NAA35: variants seen among roughly 807,000 people sequenced by gnomAD.
NAA35 encodes MAK10 homolog, amino-acid N-acetyltransferase subunit.
In NAA35, 18 loss-of-function variants were observed where a neutral mutation model predicts 101.7. The ratio of observed to expected loss-of-function variants is 0.18; its 90% CI spans 0.12 to 0.26. The LOEUF is 0.26. Among genes scored for constraint, NAA35 ranks in the 10% least tolerant of loss-of-function variants. The probability of loss-of-function intolerance (pLI) is 1.00; values close to 1 mark genes in which losing one functional copy is unlikely to be tolerated. For synonymous variants in NAA35, 267 were observed against 273.1 expected, an observed-to-expected ratio of 0.98 and a Z score of 0.22; for missense variants, 601 against 886.8, an observed-to-expected ratio of 0.68 and a Z score of 4.09.
In NAA35 at chr9:85,977,277, G is replaced by A. The variant is rs1353071610; in HGVS notation, c.679-86G>A. ...TGTAATGTAGTAAGTTATTAACATT[G>A]AGATTTAGGAGTTAATATATTTTAA... On this transcript the variant is annotated intron_variant, in intron 9 of 22. Transcript: ENST00000361671. 10 of 916,646 alleles carry A rather than the reference G, an allele frequency of 1.1e-5. No homozygotes were observed. The African/African-American group carries it at 1.5e-4, about 14-fold the overall frequency. 56.8% of individuals were successfully genotyped at this position (916,646 alleles called of 1,614,324 possible). A position where few individuals can be genotyped will look rare whatever the true frequency, so the allele number is the denominator to read the frequency against.
chr9:85,963,261 G>A (rs1226598269), intron 6 of NAA35, among the ~76,000 whole-genome samples: 2 of 138,850 alleles, frequency 1.4e-5, no homozygotes, highest in Non-Finnish European at 3.0e-5. Flanking sequence ...TTGAAGGTAT[G>A]GCTTTTTTTT....
chr9:85,974,025 C>T (rs1830111170), intron 6 of NAA35, among the ~76,000 whole-genome samples: 1 of 152,054 alleles, frequency 6.6e-6, no homozygotes, highest in Admixed American at 6.6e-5. Flanking sequence ...GGCTCGATCT[C>T]TGCTCACTGC....
rs1587646558 is a variant in NAA35, at chr9:86,003,796, C to T, written c.1116+152C>T. ...TTTTAATTGAAGTATTAACTTTAAG[C>T]ATTAGACATCCATCAAGATCATATC... On this transcript the variant is annotated intron_variant, in intron 13 of 22. Coordinates refer to ENST00000361671, the MANE Select transcript of NAA35 (RefSeq NM_024635.4). The T allele has an allele frequency of 1.5e-5, 7 of 457,562 alleles. No homozygotes were observed. The East Asian group carries it at 2.3e-4, about 15-fold the overall frequency. 28.3% of individuals were successfully genotyped at this position (457,562 alleles called of 1,614,324 possible).
intron 12 of NAA35, among the ~76,000 whole-genome samples, chr9:85,996,920 T>G (rs1259918184): frequency 6.6e-6 from 1 of 152,150 alleles, no homozygotes; most frequent in Non-Finnish European, 1.5e-5. Flanking sequence ...GGTGTGATCT[T>G]GGCTCAAAGT....
chr9:86,021,099 C>T (rs972278711), intron 22 of NAA35, 130 bp downstream of exon 22: 8 of 623,936 alleles, frequency 1.3e-5, no homozygotes, highest in African/African-American at 1.9e-5. Context: ...AATTTTAGTT[C>T]AGCAGCAAAA....
chr9:86,020,369 G>C (rs1281815415), intron 21 of NAA35, among the ~76,000 whole-genome samples: 1 of 151,996 alleles, frequency 6.6e-6, no homozygotes, highest in Non-Finnish European at 1.5e-5. Flanking sequence ...TGCCTTTTCA[G>C]GACTTTGCAG....
In NAA35 at chr9:85,988,797, G is replaced by T. The variant is rs575113806; in HGVS notation, c.878-7602G>T. Among the ~76,000 whole-genome samples, 243 of 137,912 alleles carry T rather than the reference G, an allele frequency of 1.8e-3. 2 individuals carry two copies. Among genetic ancestry groups the T allele is most frequent in the African/African-American group, 6.2e-3 (234 of 37,826 alleles). 90.5% of individuals were successfully genotyped at this position (137,912 alleles called of 152,430 possible). A position where few individuals can be genotyped will look rare whatever the true frequency, so the allele number is the denominator to read the frequency against. On this transcript the variant is annotated intron_variant, in intron 11 of 22. Transcript: ENST00000361671. ...GGCAACAAGAGTGAAACTCCGTCTC[G>T]AAAAAAAAAAAAGGACATGGAGGTC...
rs148707808 is a variant in NAA35, at chr9:86,006,285, A to G, written c.1117-1073A>G. Among the ~76,000 whole-genome samples the G allele has an allele frequency of 1.1e-4, 17 of 152,312 alleles. No individual in the cohort carries two copies. In the East Asian group the frequency reaches 3.1e-3, roughly 28 times the overall value. ...CTTGGCACGTTCTTATAAATTAAAC[A>G]TGCAGCTCACACTCCTAGTTGATTG... On this transcript the variant is annotated intron_variant, in intron 13 of 22. Transcript: ENST00000361671.
chr9:86,003,161 T>G (rs1831489817), intron 12 of NAA35, among the ~76,000 whole-genome samples: 1 of 152,194 alleles, frequency 6.6e-6, no homozygotes, highest in Non-Finnish European at 1.5e-5. Flanking sequence ...ATTGATCACT[T>G]GGTAGACTCT....
chr9:86,009,785 C>G, intron 14 of NAA35, 80 bp from the exon 15 acceptor site: 1 of 981,480 alleles, frequency 1.0e-6, no homozygotes, highest in South Asian at 1.5e-5. Context: ...CCTTCTCTGT[C>G]ATTTGGTAGC....
rs1391244535 is a variant in NAA35, at chr9:85,966,714, C to T, written c.516+4534C>T. 4.0e-6 allele frequency: 4 copies of T among 989,130 alleles called. No individual in the cohort carries two copies. The Admixed American group carries it at 8.2e-5, about 20-fold the overall frequency. The allele number at this position is 989,130 out of a possible 1,614,324, so 61.3% of individuals were successfully genotyped here. A position where few individuals can be genotyped will look rare whatever the true frequency, so the allele number is the denominator to read the frequency against. ...CTGTTTTTACTAGTATACATTAGCACAGCTGTCTTGGCAAACAGTTTAATA... is the reference window on the plus strand; with the variant it reads ...CTGTTTTTACTAGTATACATTAGCATAGCTGTCTTGGCAAACAGTTTAATA... On this transcript the variant is annotated intron_variant, in intron 6 of 22. Transcript: ENST00000361671.
chr9:85,989,183 C>A (rs1054470502), intron 11 of NAA35, among the ~76,000 whole-genome samples: 3 of 152,062 alleles, frequency 2.0e-5, no homozygotes, highest in African/African-American at 7.2e-5. Flanking sequence ...AAGTAAAGAA[C>A]TGTGACCTGC....
rs1185799251 is a variant in NAA35 at position 85,949,355 on chromosome 9, C to T, written c.125-7005C>T. Among the ~76,000 whole-genome samples the T allele has an allele frequency of 7.4e-5, 11 of 149,518 alleles. No homozygotes were observed. The South Asian group carries it at 8.4e-4, about 11-fold the overall frequency. Reference sequence around the variant, plus strand: ...TGTTGCCCATGCTGGAGTGTAATGGCGCAATCTCGGCTCACCGCAACCTCC... The same window carrying T: ...TGTTGCCCATGCTGGAGTGTAATGGTGCAATCTCGGCTCACCGCAACCTCC... On this transcript the variant is annotated intron_variant, in intron 2 of 22. Coordinates refer to ENST00000361671, the MANE Select transcript of NAA35 (RefSeq NM_024635.4).
chr9:86,008,714 G>T (rs1223943934), intron 14 of NAA35, among the ~76,000 whole-genome samples: 1 of 152,218 alleles, frequency 6.6e-6, no homozygotes, highest in Non-Finnish European at 1.5e-5. Context: ...TTGTGTGGTA[G>T]TCTAGTTGTT....
chr9:85,945,607 C>T (rs1031140003), intron 2 of NAA35, among the ~76,000 whole-genome samples: 4 of 143,060 alleles, frequency 2.8e-5, no homozygotes, highest in African/African-American at 9.0e-5. Flanking sequence ...CTCACTCGAC[C>T]TCCCGGGTTC....
At chr9:86,020,744 T>C (rs933523592) in intron 21 of NAA35, 145 bp from the exon 22 acceptor site, 12 of 518,494 alleles carry the variant, frequency 2.3e-5, no homozygotes, top group South Asian at 8.2e-5. Context: ...AGTAGGAGGA[T>C]TGCCTGAACC....
chr9:85,958,669 C>A, intron 4 of NAA35, 83 bp downstream of exon 4: 3 of 832,734 alleles, frequency 3.6e-6, no homozygotes, highest in East Asian at 5.5e-5. Context: ...TGAAATGAAA[C>A]GTTGTATTAA....
intron 11 of NAA35, among the ~76,000 whole-genome samples, chr9:85,980,436 G>A (rs1587611321): frequency 1.3e-5 from 2 of 152,046 alleles, no homozygotes; most frequent in East Asian, 3.9e-4. Flanking sequence ...TCAGTCATTC[G>A]CATATCAAAA....
intron 12 of NAA35, among the ~76,000 whole-genome samples, chr9:85,999,143 C>T (rs1277222445): frequency 6.6e-6 from 1 of 152,152 alleles, no homozygotes; most frequent in African/African-American, 2.4e-5. Context: ...TCATAAGAAT[C>T]AGAATTTTAA....
Sources: allele counts gnomAD v4.1 joint callset (sites outside exome capture counted in the v4.1 genomes callset), GRCh38; gene constraint gnomAD v4.1.1; transcripts MANE v1.5; gene names NCBI Gene and HGNC (gene_info 2026-07-23, HGNC 2026-07-21).